The following GPRASP3 variants were observed in gnomAD, a reference collection of about 807,000 sequenced individuals.
GPRASP3 encodes the protein G protein-coupled receptor associated sorting protein 3.
the GPRASP3 span, among the ~76,000 whole-genome samples, chrX:102,743,209 T>C: frequency 9.1e-6 from 1 of 109,785 alleles, no homozygotes; most frequent in African/African-American, 3.3e-5. Context: ...TTATTAACTA[T>C]CTTTTTTAGG....
chrX:102,735,659 C>T, the GPRASP3 span, among the ~76,000 whole-genome samples: 6 of 111,830 alleles, frequency 5.4e-5, no homozygotes, highest in South Asian at 3.7e-4. Context: ...CCGCCTGCCT[C>T]GGCCTCCCAA....
chrX:102,737,485 G>A, the GPRASP3 span, among the ~76,000 whole-genome samples: 1 of 111,571 alleles, frequency 9.0e-6, no homozygotes, highest in African/African-American at 3.3e-5. Context: ...TTCATGGAGG[G>A]GCAGAGAATA....
chrX:102,728,919 T>C, the GPRASP3 span, among the ~76,000 whole-genome samples: 1 of 111,998 alleles, frequency 8.9e-6, no homozygotes, highest in Non-Finnish European at 1.9e-5. Context: ...GACAGTTGAC[T>C]ACCCCAAATT....
chrX:102,742,082 A>C, the GPRASP3 span, among the ~76,000 whole-genome samples: 1 of 112,284 alleles, frequency 8.9e-6, no homozygotes, highest in African/African-American at 3.2e-5. Context: ...AAATGAAGGC[A>C]TGCTTGCTAT....
chrX:102,741,853 T>C, the GPRASP3 span, among the ~76,000 whole-genome samples: 1 of 112,128 alleles, frequency 8.9e-6, no homozygotes, highest in Non-Finnish European at 1.9e-5. Context: ...GCTGTAATAT[T>C]TAAAATATTG....
chrX:102,732,118 T>C, the GPRASP3 span, among the ~76,000 whole-genome samples: 2 of 111,582 alleles, frequency 1.8e-5, no homozygotes, highest in Non-Finnish European at 3.8e-5. Flanking sequence ...GAGAGCCCTC[T>C]CTTGCCCTGC....
At chrX:102,730,115 G>A in the GPRASP3 span, among the ~76,000 whole-genome samples, 1 of 112,050 alleles carries the variant, frequency 8.9e-6, no homozygotes. Context: ...CTGGGAGCCC[G>A]GAGATTGTTT....
chrX:102,730,138 A>G, the GPRASP3 span, among the ~76,000 whole-genome samples: 5,283 of 112,076 alleles, frequency 0.047, 141 homozygotes, highest in Middle Eastern at 0.18. Context: ...GTAAAGCTAG[A>G]TGGTCCCATC....
At chrX:102,738,226 G>A in the GPRASP3 span, among the ~76,000 whole-genome samples, 1 of 112,320 alleles carries the variant, frequency 8.9e-6, no homozygotes, top group Admixed American at 9.4e-5. Flanking sequence ...TGCCATTTGC[G>A]AAGAGAGAAC....
chrX:102,749,018 C>G, the GPRASP3 span: 15 of 1,207,069 alleles, frequency 1.2e-5, no homozygotes, highest in Admixed American at 4.4e-5. Flanking sequence ...AAGAATAAGA[C>G]AAGAGCCCAG....
the GPRASP3 span, chrX:102,750,187 C>A: frequency 8.3e-7 from 1 of 1,205,536 alleles, no homozygotes; most frequent in Non-Finnish European, 1.1e-6. Context: ...GGATGAAAGA[C>A]AACGCAAAAT....
the GPRASP3 span, chrX:102,721,240 G>A: frequency 8.9e-6 from 1 of 111,748 alleles, no homozygotes; most frequent in African/African-American, 3.3e-5. Flanking sequence ...AGCCCAGAGC[G>A]GGGAAATGGT....
chrX:102,733,415 C>A, the GPRASP3 span, among the ~76,000 whole-genome samples: 2 of 105,156 alleles, frequency 1.9e-5, no homozygotes, highest in Non-Finnish European at 3.9e-5. Flanking sequence ...GCCGAGATCA[C>A]ACCACTGCAC....
chrX:102,740,105 C>T, the GPRASP3 span, among the ~76,000 whole-genome samples: 1 of 111,990 alleles, frequency 8.9e-6, no homozygotes, highest in East Asian at 2.8e-4. Context: ...AAATCCCAGA[C>T]ATTGCATGGT....
chrX:102,723,951 C>A, the GPRASP3 span, among the ~76,000 whole-genome samples: 1 of 111,920 alleles, frequency 8.9e-6, no homozygotes, highest in Non-Finnish European at 1.9e-5. Context: ...GTGGTGTACC[C>A]TGACTCCATA....
At chrX:102,734,357 G>A in the GPRASP3 span, among the ~76,000 whole-genome samples, 1 of 112,381 alleles carries the variant, frequency 8.9e-6, no homozygotes, top group African/African-American at 3.2e-5. Context: ...GGTGGCTCAC[G>A]CCTGAAATCC....
chrX:102,728,569 CT>C, the GPRASP3 span, among the ~76,000 whole-genome samples: 171 of 61,776 alleles, frequency 2.8e-3, 1 homozygote, highest in Middle Eastern at 0.02. Flanking sequence ...ATGTGCACTG[CT>C]TTTTTTTTTT....
At chrX:102,733,434 G>A in the GPRASP3 span, among the ~76,000 whole-genome samples, 1 of 106,198 alleles carries the variant, frequency 9.4e-6, no homozygotes, top group Admixed American at 1.0e-4. Context: ...ACTCCAGCCT[G>A]GGCAACAAAG....
the GPRASP3 span, among the ~76,000 whole-genome samples, chrX:102,721,638 C>T: frequency 1.8e-5 from 2 of 111,140 alleles, no homozygotes; most frequent in Non-Finnish European, 3.8e-5. Flanking sequence ...GATCTCAGCC[C>T]CATGCAGCAG....
Sources: gnomAD v4.1 joint callset for allele counts (sites outside exome capture counted in the v4.1 genomes callset) on GRCh38, gnomAD v4.1.1 for gene constraint, MANE v1.5 for transcripts, NCBI Gene and HGNC (gene_info 2026-07-23, HGNC 2026-07-21) for gene names.